ATP10A: variants seen among roughly 807,000 people sequenced by gnomAD.
The protein encoded by ATP10A is phospholipid-transporting ATPase VA.
ATP10A carries 111 observed loss-of-function variants against 147.8 expected under a neutral mutation model. That is an observed-to-expected ratio of 0.75 (90% CI 0.64 to 0.88). ATP10A has a LOEUF of 0.88. Ranked by LOEUF, ATP10A falls within the 40% of genes least tolerant of loss-of-function variation. The probability of loss-of-function intolerance (pLI) is 0.00; values close to 1 mark genes in which losing one functional copy is unlikely to be tolerated. For synonymous variants in ATP10A, 875 were observed against 841.6 expected (o/e 1.04, Z -0.69); for missense variants, 1,927 against 1,959.0 (o/e 0.98, Z 0.31).
At chr15:25,855,572 A>ACACACACC (rs1273430278) in intron 1 of ATP10A, among the ~76,000 whole-genome samples, 2 of 150,958 alleles carry the variant, frequency 1.3e-5, no homozygotes, top group Non-Finnish European at 2.9e-5. Flanking sequence ...ACACACACAC[A>ACACACACC]CATACATGCA....
chr15:25,692,478 G>T (rs1900089401), intron 14 of ATP10A, among the ~76,000 whole-genome samples: 1 of 152,190 alleles, frequency 6.6e-6, no homozygotes. Context: ...GCCCAAATCA[G>T]GGCATACATC....
At chr15:25,714,284 G>A (rs772280778) in intron 9 of ATP10A, 43 bp from the exon 10 acceptor site, 4 of 1,572,744 alleles carry the variant, frequency 2.5e-6, no homozygotes, top group Admixed American at 3.4e-5. Context: ...GAACTGCTAT[G>A]TCCCCCAGAG....
chr15:25,687,671 C>G, intron 16 of ATP10A, 32 bp downstream of exon 16: 4 of 1,430,728 alleles, frequency 2.8e-6, no homozygotes, highest in Non-Finnish European at 3.7e-6. Context: ...ACCTTCCAAT[C>G]CCAAAACTCT....
At chr15:25,708,839 T>A (rs8043058) in intron 10 of ATP10A, 32,953 of 155,988 alleles carry the variant, frequency 0.21, 3,917 homozygotes, top group Non-Finnish European at 0.26. Flanking sequence ...GATGTCTAAA[T>A]ATGGCATAGG....
chr15:25,749,770 G>A (rs929159148), intron 2 of ATP10A, among the ~76,000 whole-genome samples: 4 of 152,044 alleles, frequency 2.6e-5, no homozygotes, highest in African/African-American at 9.7e-5. Context: ...CTTAAGTAGG[G>A]ACATGGAAGG....
At chr15:25,795,745 G>A (rs1387057866) in intron 1 of ATP10A, among the ~76,000 whole-genome samples, 1 of 152,180 alleles carries the variant, frequency 6.6e-6, no homozygotes, top group Non-Finnish European at 1.5e-5. Flanking sequence ...TAGTGTGGAT[G>A]TTTGTCCCCT....
chr15:25,751,429 T>C (rs996938081), intron 2 of ATP10A, among the ~76,000 whole-genome samples: 1 of 152,126 alleles, frequency 6.6e-6, no homozygotes, highest in Non-Finnish European at 1.5e-5. Flanking sequence ...GTTTGACATC[T>C]ATAAAATACT....
chr15:25,694,441 CT>C (rs1596697108), intron 14 of ATP10A, among the ~76,000 whole-genome samples: 2 of 152,218 alleles, frequency 1.3e-5, no homozygotes, highest in East Asian at 3.9e-4. Context: ...CCAGAAGCAG[CT>C]GCAAAGGACC....
chr15:25,771,450 T>C (rs1301951677), intron 2 of ATP10A, among the ~76,000 whole-genome samples: 4 of 152,170 alleles, frequency 2.6e-5, no homozygotes, highest in Non-Finnish European at 5.9e-5. Context: ...GATCTAAGTC[T>C]AGCTTCTAAA....
intron 2 of ATP10A, among the ~76,000 whole-genome samples, chr15:25,747,150 T>C (rs2140532860): frequency 6.6e-6 from 1 of 152,214 alleles, no homozygotes; most frequent in South Asian, 2.1e-4. Context: ...TAGCTGGGCA[T>C]GGTTGTGGGC....
At chr15:25,776,506 C>T (rs1889613364) in intron 2 of ATP10A, among the ~76,000 whole-genome samples, 1 of 152,244 alleles carries the variant, frequency 6.6e-6, no homozygotes. Context: ...GCCTGGCGTG[C>T]AGGAGGCTGA....
chr15:25,693,330 A>C (rs1288020566), intron 14 of ATP10A, among the ~76,000 whole-genome samples: 1 of 151,990 alleles, frequency 6.6e-6, no homozygotes, highest in Non-Finnish European at 1.5e-5. Flanking sequence ...CCATGTGCTG[A>C]TGTTCTTATG....
chr15:25,734,653 C>T (rs1420888352), intron 3 of ATP10A, among the ~76,000 whole-genome samples: 3 of 152,144 alleles, frequency 2.0e-5, no homozygotes, highest in African/African-American at 4.8e-5. Context: ...CTCCCCAAAT[C>T]GTAGAGGTTA....
chr15:25,687,908 A>G (rs2140300173), intron 15 of ATP10A, 80 bp from the exon 16 acceptor site: 3 of 1,591,232 alleles, frequency 1.9e-6, no homozygotes, highest in Non-Finnish European at 2.6e-6. Flanking sequence ...AATGCAAGGT[A>G]CACAACAGGG....
At chr15:25,843,144 C>T (rs1892878426) in intron 1 of ATP10A, among the ~76,000 whole-genome samples, 1 of 152,152 alleles carries the variant, frequency 6.6e-6, no homozygotes, top group Admixed American at 6.5e-5. Context: ...TCATGTCCAG[C>T]GCAGTCACGC....
rs559077423 is a variant in ATP10A, at chr15:25,706,207, G to A, written c.2575+1769C>T. Among the ~76,000 whole-genome samples, 5 of 152,280 alleles carry A rather than the reference G, an allele frequency of 3.3e-5. No individual in the cohort carries two copies. In the East Asian group the frequency reaches 5.8e-4, roughly 18 times the overall value. ...ATGAGCCTCGGGTGCCGCAGGGGCC[G>A]TTAACAACTTAGGATATGTTAACAG... On this transcript the variant is annotated intron_variant, in intron 12 of 20. Transcript: ENST00000555815.
intron 8 of ATP10A, among the ~76,000 whole-genome samples, chr15:25,717,946 G>T (rs948210836): frequency 1.3e-5 from 2 of 152,142 alleles, no homozygotes. Flanking sequence ...CCCTTTCTGG[G>T]TGACTTGCCA....
At chr15:25,681,641 G>T (rs1899415936) in intron 17 of ATP10A, among the ~76,000 whole-genome samples, 2 of 152,132 alleles carry the variant, frequency 1.3e-5, no homozygotes, top group Admixed American at 1.3e-4. Flanking sequence ...GAGACGCGAG[G>T]CCCCAGAGGC....
intron 1 of ATP10A, among the ~76,000 whole-genome samples, chr15:25,786,882 G>A (rs1425888903): frequency 6.6e-6 from 1 of 150,410 alleles, no homozygotes; most frequent in Non-Finnish European, 1.5e-5. Flanking sequence ...TGATCTGCCC[G>A]TCTCGGCCTC....
Sources: gnomAD v4.1 joint callset for allele counts (sites outside exome capture counted in the v4.1 genomes callset) on GRCh38, gnomAD v4.1.1 for gene constraint, MANE v1.5 for transcripts, NCBI Gene and HGNC (gene_info 2026-07-23, HGNC 2026-07-21) for gene names.